The following ANO3 variants were observed in gnomAD, a reference collection of about 807,000 sequenced individuals.
The protein encoded by ANO3 is anoctamin 3.
Under a neutral mutation model 144.8 loss-of-function variants are expected in ANO3, and 99 were observed. The ratio of observed to expected loss-of-function variants is 0.68; its 90% CI spans 0.58 to 0.81. The LOEUF is 0.81. Ranked by LOEUF, ANO3 falls within the 30% of genes least tolerant of loss-of-function variation. The pLI, the probability that ANO3 is intolerant of heterozygous loss-of-function variation, is 0.00. For missense variants in ANO3, 905 were observed against 1,202.2 expected (o/e 0.75, Z 3.66); for synonymous variants, 414 against 392.6 (o/e 1.05, Z -0.64).
intron 14 of ANO3, chr11:26,563,393 CTCTG>C (rs1554970472): frequency 0.025 from 20,288 of 824,344 alleles, 553 homozygotes; most frequent in Non-Finnish European, 0.029. Flanking sequence ...GTGTTTCTCT[CTCTG>C]TGTGTGTGTG....
intron 1 of ANO3, among the ~76,000 whole-genome samples, chr11:26,263,151 C>T (rs768467001): frequency 1.8e-4 from 27 of 152,250 alleles, no homozygotes; most frequent in Non-Finnish European, 2.4e-4. Flanking sequence ...TTCTATTTTA[C>T]TCTTCAACTT....
chr11:26,449,131 C>T (rs61701073), intron 3 of ANO3, among the ~76,000 whole-genome samples: 6,606 of 152,192 alleles, frequency 0.043, 214 homozygotes, highest in African/African-American at 0.084. Context: ...CCTTTTCTCA[C>T]GAGCTGCAGA....
chr11:26,647,687 T>C (rs1251271614), intron 23 of ANO3, 22 bp from the exon 24 acceptor site: 3 of 1,584,290 alleles, frequency 1.9e-6, no homozygotes, highest in Admixed American at 1.8e-5. Flanking sequence ...TTGTTCACCA[T>C]GATTAATCTT....
At chr11:26,654,359 T>G (rs1853620229) in intron 24 of ANO3, among the ~76,000 whole-genome samples, 3 of 152,130 alleles carry the variant, frequency 2.0e-5, no homozygotes, top group Non-Finnish European at 2.9e-5. Flanking sequence ...TGCCCAGATA[T>G]TTGGTATTTG....
intron 1 of ANO3, among the ~76,000 whole-genome samples, chr11:26,230,577 A>G (rs1001111095): frequency 5.3e-5 from 8 of 151,814 alleles, no homozygotes; most frequent in Non-Finnish European, 1.0e-4. Flanking sequence ...TGGGCAGATC[A>G]CCTGAGGTCA....
chr11:26,515,968 G>A (rs1565073731), intron 5 of ANO3, among the ~76,000 whole-genome samples: 1 of 151,844 alleles, frequency 6.6e-6, no homozygotes, highest in Non-Finnish European at 1.5e-5. Flanking sequence ...TTCAAAGCAG[G>A]GTCGAATATG....
chr11:26,268,260 A>C lies in ANO3; in HGVS notation c.155-41385A>C, dbSNP rs181301163. Among the ~76,000 whole-genome samples, 453 of 152,270 alleles carry C rather than the reference A, an allele frequency of 3.0e-3. 2 individuals are homozygous for C. Among genetic ancestry groups the C allele is most frequent in the South Asian group, 5.4e-3 (26 of 4,824 alleles). ...TAGATCTTGTTCGAAAGAAAGTCTA[A>C]GTTTATTCAATTTATATTCTAATGG... On this transcript the variant is annotated intron_variant, in intron 1 of 27. Transcript: ENST00000672621.
chr11:26,453,887 C>T (rs981528317), intron 3 of ANO3, among the ~76,000 whole-genome samples: 4 of 152,058 alleles, frequency 2.6e-5, no homozygotes, highest in Non-Finnish European at 5.9e-5. Flanking sequence ...TCCCGGACCA[C>T]AGTACAATCA....
chr11:26,556,317 TAA>T (rs1293546437), intron 13 of ANO3, among the ~76,000 whole-genome samples: 3 of 152,108 alleles, frequency 2.0e-5, no homozygotes, highest in Non-Finnish European at 4.4e-5. Context: ...CCCTTGAAGT[TAA>T]GTCTTACTCA....
intron 26 of ANO3, 52 bp downstream of exon 26, chr11:26,656,533 G>GC: frequency 2.5e-6 from 3 of 1,198,480 alleles, no homozygotes; most frequent in Non-Finnish European, 2.5e-6. Flanking sequence ...TTTTCTAAAT[G>GC]ATTTATCAGT....
chr11:26,208,797 G>C (rs138601469), intron 1 of ANO3, among the ~76,000 whole-genome samples: 1 of 152,124 alleles, frequency 6.6e-6, no homozygotes, highest in Non-Finnish European at 1.5e-5. Context: ...TGATGATTTT[G>C]ATAAATATTT....
chr11:26,465,164 G>C (rs970711317), intron 4 of ANO3, among the ~76,000 whole-genome samples: 1 of 144,424 alleles, frequency 6.9e-6, no homozygotes, highest in African/African-American at 2.6e-5. Flanking sequence ...GTGTGTGTCT[G>C]TGTGTGAATT....
chr11:26,618,019 C>T (rs899064729), intron 17 of ANO3, among the ~76,000 whole-genome samples: 4 of 152,090 alleles, frequency 2.6e-5, no homozygotes, highest in African/African-American at 2.4e-5. Flanking sequence ...ATGCTATTTT[C>T]AGACCAAAAC....
chr11:26,229,869 A>G (rs887426734), intron 1 of ANO3, among the ~76,000 whole-genome samples: 2 of 152,250 alleles, frequency 1.3e-5, no homozygotes, highest in Admixed American at 1.3e-4. Context: ...GAATTGGAAC[A>G]TGAATAAAAG....
At chr11:26,245,410 A>G (rs1852768517) in intron 1 of ANO3, among the ~76,000 whole-genome samples, 2 of 152,178 alleles carry the variant, frequency 1.3e-5, no homozygotes, top group Non-Finnish European at 2.9e-5. Context: ...GCCCGAATCA[A>G]TTATTACAAT....
Position 26,244,072 on chromosome 11 carries a change from G to T in ANO3, c.154+54742G>T, listed in dbSNP as rs189230113. On this transcript the variant is annotated intron_variant, in intron 1 of 27. Transcript: ENST00000672621. ...GCAGAGGTTGCAGTGAGCTGAGATT[G>T]TGCCACTGCACTCCAACCTCAGCAA... Among the ~76,000 whole-genome samples, 39 of 148,628 alleles carry T rather than the reference G, an allele frequency of 2.6e-4. No homozygotes were observed. The East Asian group carries it at 5.5e-3, about 21-fold the overall frequency.
chr11:26,447,884 C>A (rs1365728697), intron 3 of ANO3, among the ~76,000 whole-genome samples: 1 of 152,164 alleles, frequency 6.6e-6, no homozygotes, highest in Non-Finnish European at 1.5e-5. Flanking sequence ...CTACCATTGC[C>A]TACGTTTTTT....
At chr11:26,607,027 A>C (rs1234559486) in intron 17 of ANO3, among the ~76,000 whole-genome samples, 1 of 152,096 alleles carries the variant, frequency 6.6e-6, no homozygotes, top group African/African-American at 2.4e-5. Flanking sequence ...TTTGCTTATG[A>C]AGTATAGTTT....
intron 1 of ANO3, among the ~76,000 whole-genome samples, chr11:26,297,210 T>TGA (rs1554935605): frequency 5.3e-5 from 8 of 151,896 alleles, no homozygotes; most frequent in Admixed American, 5.3e-4. Flanking sequence ...TGTGTGTGTG[T>TGA]GAATTTCTTT....
Sources: allele counts gnomAD v4.1 joint callset (sites outside exome capture counted in the v4.1 genomes callset), GRCh38; gene constraint gnomAD v4.1.1; transcripts MANE v1.5; gene names NCBI Gene and HGNC (gene_info 2026-07-23, HGNC 2026-07-21).